The following ALK variants were observed in gnomAD, a reference collection of about 807,000 sequenced individuals.
ALK encodes the protein ALK receptor tyrosine kinase.
In ALK, 74 loss-of-function variants were observed where a neutral mutation model predicts 163.1. The observed-to-expected ratio is 0.45, with a 90% confidence interval of 0.38 to 0.55. ALK has a LOEUF of 0.55. Ranked by LOEUF, ALK falls within the 20% of genes least tolerant of loss-of-function variation. The pLI is 0.00. For synonymous variants in ALK, 960 were observed against 843.2 expected (o/e 1.14, Z -2.40); for missense variants, 2,063 against 2,105.3 (o/e 0.98, Z 0.39).
intron 4 of ALK, among the ~76,000 whole-genome samples, chr2:29,466,185 T>C (rs1010299947): frequency 2.6e-5 from 4 of 152,334 alleles, no homozygotes. Flanking sequence ...CTGGACATCA[T>C]GTGGCCTGAT....
At chr2:29,312,319 T>C (rs548862828) in intron 8 of ALK, among the ~76,000 whole-genome samples, 3 of 151,966 alleles carry the variant, frequency 2.0e-5, no homozygotes, top group Admixed American at 2.0e-4. Flanking sequence ...TCTCACTCAT[T>C]TCTCCTGACA....
intron 4 of ALK, among the ~76,000 whole-genome samples, chr2:29,447,634 A>C (rs1670719483): frequency 6.6e-6 from 1 of 152,220 alleles, no homozygotes; most frequent in Admixed American, 6.5e-5. Context: ...ACATGATTCA[A>C]TAGCACCTTT....
rs763403897 is a variant in ALK, at chr2:29,193,455, G to T, written c.4632C>A (p.Asn1544Lys). The stretch of plus-strand genomic sequence containing the variant: ...CCCCCGGAAGTCTCCCAGTTGCAAC[G>T]TTAGGTGGGACAGTACAGCTTCCCT... ...GLEGSCTVPP[N>K]VATGRLPGAS... The change falls in exon 29 of 29, where the codon AAC (asparagine) becomes AAA (lysine). Residue 1544 changes from asparagine (N) to lysine (K), a missense_variant. Coordinates refer to ENST00000389048, the MANE Select transcript of ALK (RefSeq NM_004304.5). The T allele has an allele frequency of 3.7e-6, 6 of 1,614,080 alleles. No homozygotes were observed. Among genetic ancestry groups the T allele is most frequent in the East Asian group, 4.5e-5 (2 of 44,892 alleles).
chr2:29,605,594 G>A (rs886503823), intron 3 of ALK, among the ~76,000 whole-genome samples: 1 of 152,148 alleles, frequency 6.6e-6, no homozygotes. Flanking sequence ...GGAGACCAGA[G>A]CTTTGTCTCT....
chr2:29,387,268 C>A (rs1445290722), intron 4 of ALK, among the ~76,000 whole-genome samples: 3 of 152,208 alleles, frequency 2.0e-5, no homozygotes, highest in Non-Finnish European at 4.4e-5. Flanking sequence ...GAATAAGGCA[C>A]TTCTCTCCAA....
chr2:29,560,773 T>C (rs1256964481), intron 3 of ALK, among the ~76,000 whole-genome samples: 15 of 152,272 alleles, frequency 9.9e-5, no homozygotes, highest in African/African-American at 3.6e-4. Context: ...GGTTTTGGCA[T>C]GTTGCCCAGG....
chr2:29,285,090 C>G (rs1195247257), intron 9 of ALK, among the ~76,000 whole-genome samples: 1 of 152,206 alleles, frequency 6.6e-6, no homozygotes, highest in South Asian at 2.1e-4. Flanking sequence ...ATTTGGAAGA[C>G]AGCAGAGGAA....
chr2:29,789,658 C>A (rs1404607680), intron 1 of ALK, among the ~76,000 whole-genome samples: 1 of 152,166 alleles, frequency 6.6e-6, no homozygotes, highest in Non-Finnish European at 1.5e-5. Flanking sequence ...GACCCCTAGA[C>A]TGGGGTGAAT....
intron 1 of ALK, among the ~76,000 whole-genome samples, chr2:29,755,986 C>T (rs929629520): frequency 6.6e-6 from 1 of 152,182 alleles, no homozygotes; most frequent in Non-Finnish European, 1.5e-5. Flanking sequence ...CCCAGATGCA[C>T]CTCAGTTGTG....
intron 4 of ALK, among the ~76,000 whole-genome samples, chr2:29,528,700 C>T (rs1324612261): frequency 6.6e-6 from 1 of 152,116 alleles, no homozygotes; most frequent in Non-Finnish European, 1.5e-5. Context: ...CAATGATAGC[C>T]AGGCACTGTG....
At chr2:29,651,570 T>C (rs550095949) in intron 3 of ALK, among the ~76,000 whole-genome samples, 56 of 152,352 alleles carry the variant, frequency 3.7e-4, no homozygotes, top group African/African-American at 1.3e-3. Context: ...GAGATATTTA[T>C]GTTTTTCTTT....
At chr2:29,881,671 G>A (rs1049171676) in intron 1 of ALK, among the ~76,000 whole-genome samples, 17 of 152,074 alleles carry the variant, frequency 1.1e-4, no homozygotes, top group African/African-American at 4.1e-4. Context: ...GCAAGAATGG[G>A]GCAAAAGTTC....
chr2:29,841,179 C>T (rs1464436934), intron 1 of ALK, among the ~76,000 whole-genome samples: 1 of 152,132 alleles, frequency 6.6e-6, no homozygotes, highest in African/African-American at 2.4e-5. Flanking sequence ...TCCCACTACC[C>T]TAACATTACC....
chr2:29,762,315 T>A (rs1218587079), intron 1 of ALK, among the ~76,000 whole-genome samples: 1 of 152,210 alleles, frequency 6.6e-6, no homozygotes, highest in African/African-American at 2.4e-5. Context: ...CGAATTGACC[T>A]CCACTACAAT....
chr2:29,802,863 G>A (rs1315621071), intron 1 of ALK, among the ~76,000 whole-genome samples: 1 of 150,284 alleles, frequency 6.7e-6, no homozygotes, highest in Non-Finnish European at 1.5e-5. Context: ...CCAAACAGAA[G>A]GCCCAAGACA....
At chr2:29,369,385 A>G (rs1383104609) in intron 5 of ALK, among the ~76,000 whole-genome samples, 1 of 152,138 alleles carries the variant, frequency 6.6e-6, no homozygotes, top group African/African-American at 2.4e-5. Context: ...AGGAGGAGAA[A>G]TAGCAGAAGG....
intron 1 of ALK, among the ~76,000 whole-genome samples, chr2:29,799,204 C>T (rs1664399646): frequency 6.6e-6 from 1 of 152,158 alleles, no homozygotes; most frequent in Non-Finnish European, 1.5e-5. Context: ...TCATTTGTTT[C>T]CACTTCTCTT....
intron 2 of ALK, among the ~76,000 whole-genome samples, chr2:29,699,826 G>T (rs1030726242): frequency 6.6e-6 from 1 of 152,172 alleles, no homozygotes; most frequent in Non-Finnish European, 1.5e-5. Flanking sequence ...TTTCCATCAT[G>T]GAAGAAAGGT....
At position 29,600,536 on chromosome 2, in the gene ALK, G is replaced by C. The variant is rs57323854; in HGVS notation, c.953-68420C>G. ...GTTAAAGAAGTAGCTCCTGGCATTG[G>C]AGAAGAAGCAAATGAGAGAAACAGA... On this transcript the variant is annotated intron_variant, in intron 3 of 28. Coordinates refer to ENST00000389048, the MANE Select transcript of ALK (RefSeq NM_004304.5). Among the ~76,000 whole-genome samples, 948 of 152,308 alleles carry C rather than the reference G, an allele frequency of 6.2e-3. 11 individuals are homozygous for C. The highest frequency in any genetic ancestry group is 0.022 in the African/African-American group (920 of 41,566).
Sources: gnomAD v4.1 joint callset for allele counts (sites outside exome capture counted in the v4.1 genomes callset) on GRCh38, gnomAD v4.1.1 for gene constraint, MANE v1.5 for transcripts, NCBI Gene and HGNC (gene_info 2026-07-23, HGNC 2026-07-21) for gene names.